The following PUS7 variants were observed in gnomAD, a reference collection of about 807,000 sequenced individuals.
The protein encoded by PUS7 is pseudouridylate synthase 7 homolog.
A neutral mutation model predicts 79.8 loss-of-function variants in PUS7; 48 were observed. That is an observed-to-expected ratio of 0.60 (90% CI 0.48 to 0.76). PUS7 has a LOEUF of 0.76. Among genes scored for constraint, PUS7 ranks in the 30% least tolerant of loss-of-function variants. The probability of loss-of-function intolerance (pLI) is 0.00; values close to 1 mark genes in which losing one functional copy is unlikely to be tolerated. For synonymous variants in PUS7, 286 were observed against 272.2 expected, an observed-to-expected ratio of 1.05 and a Z score of -0.50; for missense variants, 729 against 797.6, an observed-to-expected ratio of 0.91 and a Z score of 1.04.
intron 1 of PUS7, among the ~76,000 whole-genome samples, chr7:105,513,225 T>C (rs1205721101): frequency 1.3e-5 from 2 of 152,136 alleles, no homozygotes; most frequent in East Asian, 3.9e-4. Context: ...TACCAGGAGA[T>C]CCTGATGCCC....
chr7:105,470,974 T>A, intron 10 of PUS7, 126 bp from the exon 11 acceptor site: 1 of 1,040,014 alleles, frequency 9.6e-7, no homozygotes, highest in Non-Finnish European at 1.3e-6. Context: ...TGTTTATAGC[T>A]ACCACTCATC....
intron 4 of PUS7, among the ~76,000 whole-genome samples, chr7:105,505,665 C>T (rs1467624379): frequency 1.3e-5 from 2 of 152,158 alleles, no homozygotes; most frequent in Admixed American, 6.6e-5. Flanking sequence ...CTCAAGTAAA[C>T]CTCTGGCTTC....
At chr7:105,476,370 A>T (rs530338790) in intron 9 of PUS7, among the ~76,000 whole-genome samples, 15 of 151,898 alleles carry the variant, frequency 9.9e-5, no homozygotes, top group African/African-American at 3.4e-4. Flanking sequence ...ATATATATAT[A>T]TTTTTTGAGA....
At chr7:105,475,347 G>A (rs539485699) in intron 9 of PUS7, among the ~76,000 whole-genome samples, 14 of 152,112 alleles carry the variant, frequency 9.2e-5, no homozygotes, top group Middle Eastern at 3.4e-3. Flanking sequence ...CACCACGCCT[G>A]GCTAATTTTT....
At chr7:105,508,677 C>T in intron 1 of PUS7, 133 bp from the exon 2 acceptor site, 2 of 1,170,414 alleles carry the variant, frequency 1.7e-6, no homozygotes, top group Non-Finnish European at 2.3e-6. Flanking sequence ...GTCAGGAGTT[C>T]AAGACCAGCC....
intron 7 of PUS7, among the ~76,000 whole-genome samples, chr7:105,490,471 C>T (rs907244280): frequency 1.3e-5 from 2 of 152,090 alleles, no homozygotes; most frequent in African/African-American, 2.4e-5. Context: ...TATTCTCCCT[C>T]CCCAGAATAC....
At chr7:105,462,800 T>C (rs780882505) in intron 13 of PUS7, 50 bp from the exon 14 acceptor site, 2 of 1,543,538 alleles carry the variant, frequency 1.3e-6, no homozygotes, top group South Asian at 2.3e-5. Context: ...TCAGTCAAGT[T>C]ATCCTGAACT....
In PUS7 at chr7:105,468,362, A is replaced by C. The variant is rs770322255; in HGVS notation, c.1500T>G (p.Val500=). Residue 500 remains valine (V), a synonymous_variant, in exon 12 of 16, where the codon GTT becomes GTG. Transcript: ENST00000469408. ...KRIEDYGLKP[V]PGDLVLKGAT... ...CTCCTTTGAGAACGAGGTCCCCTGG[A>C]ACAGGTTTTAGTCCATAGTCTTCTA... 6 of 1,613,420 alleles carry C rather than the reference A, an allele frequency of 3.7e-6. 1 individual carries two copies. In the South Asian group the frequency reaches 6.6e-5, roughly 18 times the overall value.
In PUS7 at chr7:105,468,457, T is replaced by C. The variant is rs766394239; in HGVS notation, c.1405A>G (p.Arg469Gly). 23 of 1,600,154 alleles carry C rather than the reference T, an allele frequency of 1.4e-5. No homozygotes were observed. Among genetic ancestry groups the C allele is most frequent in the Non-Finnish European group, 2.0e-5 (23 of 1,173,546 alleles). ...NIVSAFGIIP[R>G]NNRLMYIHSY... ...TGAATATACATTAAGCGATTATTTC[T>C]GGGTATCTGGAGGGAAGGAAAAAAA... The change falls in exon 12 of 16, where the codon AGA (arginine) becomes GGA (glycine). Residue 469 changes from arginine to glycine, a missense_variant. Physicochemically the swap from Arg to Gly is moderately radical, Grantham distance 125 (BLOSUM62 -2). Coordinates refer to ENST00000469408, the MANE Select transcript of PUS7 (RefSeq NM_019042.5).
chr7:105,510,566 A>G (rs1379702635), intron 1 of PUS7, among the ~76,000 whole-genome samples: 1 of 151,660 alleles, frequency 6.6e-6, no homozygotes, highest in Non-Finnish European at 1.5e-5. Context: ...CAGGCTTGAG[A>G]GCAGTGGCAC....
At chr7:105,521,905 G>A (rs2133320896) in intron 1 of PUS7, 147 bp downstream of exon 1, 1 of 149,790 alleles carries the variant, frequency 6.7e-6, no homozygotes, top group Middle Eastern at 3.5e-3. Flanking sequence ...CATAATGGAG[G>A]CGCCGCGGGC....
chr7:105,520,180 C>T (rs1562827850), intron 1 of PUS7, among the ~76,000 whole-genome samples: 1 of 152,124 alleles, frequency 6.6e-6, no homozygotes, highest in East Asian at 1.9e-4. Context: ...AAAAATTAGG[C>T]GGGGCGCGGT....
At chr7:105,506,979 A>C (rs1048236057) in intron 2 of PUS7, among the ~76,000 whole-genome samples, 7 of 152,198 alleles carry the variant, frequency 4.6e-5, no homozygotes, top group African/African-American at 1.7e-4. Flanking sequence ...TAAATATTTT[A>C]CATGCATTAT....
intron 4 of PUS7, among the ~76,000 whole-genome samples, chr7:105,503,773 C>T (rs974268020): frequency 2.0e-5 from 3 of 152,098 alleles, no homozygotes; most frequent in Non-Finnish European, 4.4e-5. Flanking sequence ...GCTGGGACTA[C>T]AGGCATGTGC....
rs575421054 is a variant in PUS7, at chr7:105,475,331, G to A, written c.1176-3138C>T. Among the ~76,000 whole-genome samples the A allele has an allele frequency of 2.0e-4, 30 of 152,170 alleles. No individual in the cohort carries two copies. In the South Asian group the frequency reaches 2.9e-3, roughly 15 times the overall value. On this transcript the variant is annotated intron_variant, in intron 9 of 15. Coordinates refer to ENST00000469408, the MANE Select transcript of PUS7 (RefSeq NM_019042.5). ...CTCCCAAGTAGCTGGGACTACAGGCGCGCGCCACCACGCCTGGCTAATTTT... is the reference window on the plus strand; with the variant it reads ...CTCCCAAGTAGCTGGGACTACAGGCACGCGCCACCACGCCTGGCTAATTTT...
chr7:105,467,087 G>C lies in PUS7; in HGVS notation c.1525+1250C>G, dbSNP rs1187717722. Among the ~76,000 whole-genome samples, 3 of 126,080 alleles carry C rather than the reference G, an allele frequency of 2.4e-5. No homozygotes were observed. In the East Asian group the frequency reaches 7.7e-4, roughly 32 times the overall value. 82.7% of individuals were successfully genotyped at this position (126,080 alleles called of 152,430 possible). ...TAACTAGCTGTGGAACTTTGGGCAA[G>C]TGACTAAACCTCACCTGAAAAAACA... On this transcript the variant is annotated intron_variant, in intron 12 of 15. Coordinates refer to ENST00000469408, the MANE Select transcript of PUS7 (RefSeq NM_019042.5).
chr7:105,467,856 T>C (rs576855336), intron 12 of PUS7, among the ~76,000 whole-genome samples: 9 of 151,844 alleles, frequency 5.9e-5, no homozygotes, highest in Non-Finnish European at 1.2e-4. Flanking sequence ...AAACCAGATA[T>C]ACATTTTTTC....
chr7:105,489,883 C>A (rs954332694), intron 7 of PUS7, among the ~76,000 whole-genome samples: 1 of 152,028 alleles, frequency 6.6e-6, no homozygotes, highest in African/African-American at 2.4e-5. Flanking sequence ...CTGTGGGATG[C>A]TGAGGTGGGT....
rs57080279 is a variant in PUS7, at chr7:105,482,444, TAAAA to T, written c.921-8_921-5del. ...GGCAAGTCTTTGTGCAGTTATTCTTTAAAAAAAAAAAAAAAAGCAACAAAACAAA... is the reference window on the plus strand; with the variant it reads ...GGCAAGTCTTTGTGCAGTTATTCTTTAAAAAAAAAAAAGCAACAAAACAAA... On this transcript the variant is annotated splice_region_variant and splice_polypyrimidine_tract_variant and intron_variant, in intron 7 of 15. Coordinates refer to ENST00000469408, the MANE Select transcript of PUS7 (RefSeq NM_019042.5). 48 of 1,444,090 alleles carry T rather than the reference TAAAA, an allele frequency of 3.3e-5. No individual in the cohort carries two copies. Among genetic ancestry groups the T allele is most frequent in the Admixed American group, 6.5e-5 (3 of 46,142 alleles). The allele number at this position is 1,444,090 out of a possible 1,614,324, so 89.5% of individuals were successfully genotyped here. A position where few individuals can be genotyped will look rare whatever the true frequency, so the allele number is the denominator to read the frequency against.
Sources: allele counts gnomAD v4.1 joint callset (sites outside exome capture counted in the v4.1 genomes callset), GRCh38; gene constraint gnomAD v4.1.1; transcripts MANE v1.5; gene names NCBI Gene and HGNC (gene_info 2026-07-23, HGNC 2026-07-21).